Variants in GRIK5 observed in about 807,000 individuals in gnomAD.
The protein encoded by GRIK5 is glutamate ionotropic receptor kainate type subunit 5, also known as glutamate receptor ionotropic, kainate 5.
GRIK5 carries 43 observed loss-of-function variants against 97.4 expected under a neutral mutation model. That is an observed-to-expected ratio of 0.44 (90% CI 0.35 to 0.57). The LOEUF (loss-of-function observed/expected upper bound fraction) is 0.57. Ranked by LOEUF, GRIK5 falls within the 20% of genes least tolerant of loss-of-function variation. The pLI, the probability that GRIK5 is intolerant of heterozygous loss-of-function variation, is 0.01. For synonymous variants in GRIK5, 580 were observed against 583.5 expected (o/e 0.99, Z 0.09); for missense variants, 1,015 against 1,382.0 (o/e 0.73, Z 4.21).
At chr19:42,058,170 T>C (rs2076211730) in intron 6 of GRIK5, among the ~76,000 whole-genome samples, 2 of 152,020 alleles carry the variant, frequency 1.3e-5, no homozygotes, top group South Asian at 2.1e-4. Flanking sequence ...CAGTGATATA[T>C]GGGTTTGTTT....
chr19:42,054,615 G>T, intron 8 of GRIK5, 143 bp from the exon 9 acceptor site: 1 of 859,460 alleles, frequency 1.2e-6, no homozygotes, highest in Non-Finnish European at 1.8e-6. Context: ...TCAGGAGTGA[G>T]GAAGTGGCTC....
At position 42,062,441 on chromosome 19, in the gene GRIK5, AG is replaced by A; in HGVS notation, c.508+46del. The A allele has an allele frequency of 6.3e-7, 1 of 1,595,610 alleles. No individual in the cohort carries two copies. Among genetic ancestry groups the A allele is most frequent in the Non-Finnish European group, 8.6e-7 (1 of 1,166,772 alleles). On this transcript the variant is annotated intron_variant, in intron 5 of 19. Coordinates refer to ENST00000593562, the MANE Select transcript of GRIK5 (RefSeq NM_002088.5). This position sits in a 1 kb window ranked among gnomAD's most constrained non-coding sequence, Gnocchi z 5.3. ...GTGTGGGACACCAGATCTCTTGGGA[AG>A]GGGTGTCTGGGGGAACAGAAAACAA...
In GRIK5 at chr19:42,022,654, T is replaced by A; in HGVS notation, c.1474-300A>T. ...GATGGAGGGGTTCCCCAAACTCCAA[T>A]TCAAGCAGCAACTTCTCCCTAGGGC... On this transcript the variant is annotated intron_variant, in intron 12 of 19. Transcript: ENST00000593562. The surrounding 1 kb of genome is among the most constrained non-coding windows in gnomAD (Gnocchi z 4.2). 1.0e-6 allele frequency: 1 copy of A among 984,948 alleles called. No homozygotes were observed. Among genetic ancestry groups the A allele is most frequent in the Non-Finnish European group, 1.2e-6 (1 of 829,846 alleles). The allele number at this position is 984,948 out of a possible 1,614,324, so 61.0% of individuals were successfully genotyped here.
At chr19:42,043,310 A>C (rs2076002217) in intron 11 of GRIK5, among the ~76,000 whole-genome samples, 1 of 152,006 alleles carries the variant, frequency 6.6e-6, no homozygotes, top group Non-Finnish European at 1.5e-5. Context: ...ATGAGCCACT[A>C]ATGGGTTAAA....
rs576397997 is a variant in GRIK5, at chr19:42,068,843, G to A, written c.-51+398C>T. ...AGGAGATAGAGACTGGACGGGGTGG[G>A]GACAGGGCCAAGGCCCACCGCAGGC... On this transcript the variant is annotated intron_variant, in intron 1 of 19. Transcript: ENST00000593562. The A allele has an allele frequency of 2.2e-4, 150 of 675,890 alleles. No individual in the cohort carries two copies. In the African/African-American group the frequency reaches 2.3e-3, roughly 10 times the overall value. 41.9% of individuals were successfully genotyped at this position (675,890 alleles called of 1,614,324 possible).
chr19:42,036,540 G>C (rs940068303), intron 12 of GRIK5, among the ~76,000 whole-genome samples: 6 of 152,074 alleles, frequency 3.9e-5, no homozygotes, highest in African/African-American at 1.4e-4. Context: ...AATTTTTGTA[G>C]AGATAGGGTT....
At chr19:42,010,648 C>A (rs2075550376) in intron 15 of GRIK5, among the ~76,000 whole-genome samples, 1 of 152,126 alleles carries the variant, frequency 6.6e-6, no homozygotes, top group Admixed American at 6.6e-5. Context: ...GCCAGCAGAC[C>A]CGCACAGCAA....
intron 15 of GRIK5, among the ~76,000 whole-genome samples, chr19:42,010,718 G>GT (rs2075551294): frequency 6.6e-6 from 1 of 152,234 alleles, no homozygotes; most frequent in Admixed American, 6.5e-5. Flanking sequence ...AAACGTGGAT[G>GT]TACCAGAAGG....
chr19:42,028,732 A>C (rs540965586), intron 12 of GRIK5, among the ~76,000 whole-genome samples: 2 of 151,882 alleles, frequency 1.3e-5, no homozygotes, highest in Non-Finnish European at 2.9e-5. Context: ...CTGCCATGAT[A>C]CCTCCATGAC....
intron 15 of GRIK5, among the ~76,000 whole-genome samples, chr19:42,009,666 G>A (rs905158219): frequency 6.6e-6 from 1 of 151,596 alleles, no homozygotes; most frequent in African/African-American, 2.4e-5. Context: ...TACTCAGGAG[G>A]CTGAGGCAGG....
chr19:42,068,402 G>A (rs889517562), intron 1 of GRIK5: 18 of 238,714 alleles, frequency 7.5e-5, no homozygotes, highest in South Asian at 3.4e-4. Flanking sequence ...CACAGAAGTC[G>A]GGAGAGAGAA....
chr19:42,045,267 T>C (rs544721766), intron 11 of GRIK5, among the ~76,000 whole-genome samples: 1 of 152,342 alleles, frequency 6.6e-6, no homozygotes, highest in Non-Finnish European at 1.5e-5. Flanking sequence ...GCCAACTGGA[T>C]GTGGCAGAAG....
chr19:42,059,644 C>T, intron 5 of GRIK5, 117 bp from the exon 6 acceptor site: 1 of 842,806 alleles, frequency 1.2e-6, no homozygotes, highest in Admixed American at 2.6e-5. Flanking sequence ...TGTGCAAGGA[C>T]ATGGGGCAGC....
At position 42,021,822 on chromosome 19, in the gene GRIK5, C is replaced by A. The variant is rs2075701235; in HGVS notation, c.1697+125G>T. The A allele has an allele frequency of 4.6e-6, 3 of 646,764 alleles. No individual in the cohort carries two copies. Among genetic ancestry groups the A allele is most frequent in the Non-Finnish European group, 8.3e-6 (3 of 360,658 alleles). 40.1% of individuals were successfully genotyped at this position (646,764 alleles called of 1,614,324 possible). On this transcript the variant is annotated intron_variant, in intron 14 of 19. Coordinates refer to ENST00000593562, the MANE Select transcript of GRIK5 (RefSeq NM_002088.5). This position sits in a 1 kb window ranked among gnomAD's most constrained non-coding sequence, Gnocchi z 4.2. ...GGCACAAAACTGAGAAAGGAGGGCACAGGGAATCCGAGGCCCCAAAGGGGA... is the reference window on the plus strand; with the variant it reads ...GGCACAAAACTGAGAAAGGAGGGCAAAGGGAATCCGAGGCCCCAAAGGGGA...
chr19:42,022,328 G>A lies in GRIK5; in HGVS notation c.1500C>T (p.Phe500=), dbSNP rs373417518. ...NRKADLAVAA[F]TITAEREKVI... is the part of the protein sequence containing the mutation. ...CCTTCTCCCGCTCAGCTGTGATGGT[G>A]AAGGCGGCCACAGCCAGGTCTGCCT... The change falls in exon 13 of 20, where the codon TTC becomes TTT. Residue 500 remains phenylalanine, a synonymous_variant. Coordinates refer to ENST00000593562, the MANE Select transcript of GRIK5 (RefSeq NM_002088.5). This position sits in a 1 kb window ranked among gnomAD's most constrained non-coding sequence, Gnocchi z 4.2. 59 of 1,613,894 alleles carry A rather than the reference G, an allele frequency of 3.7e-5. No homozygotes were observed. Among genetic ancestry groups the A allele is most frequent in the Middle Eastern group, 1.6e-4 (1 of 6,084 alleles).
At chr19:42,067,976 A>G (rs1424747461) in intron 1 of GRIK5, among the ~76,000 whole-genome samples, 2 of 152,202 alleles carry the variant, frequency 1.3e-5, no homozygotes, top group East Asian at 3.9e-4. Flanking sequence ...AGGGCCAGCG[A>G]AGGCACACAG....
intron 12 of GRIK5, among the ~76,000 whole-genome samples, chr19:42,036,126 C>A (rs1385080110): frequency 6.6e-6 from 1 of 152,068 alleles, no homozygotes; most frequent in Non-Finnish European, 1.5e-5. Flanking sequence ...GTGGCGCAAT[C>A]TCGGCTCACT....
In GRIK5 at chr19:42,022,471, AGGGAGG is replaced by A; in HGVS notation, c.1474-123_1474-118del. Reference sequence around the variant, plus strand: ...TGAGGGAGGCGAGAGAGAGAGAGGTAGGGAGGGGGAGGGGCCAGGAGCATGGACTGA... The same window carrying A: ...TGAGGGAGGCGAGAGAGAGAGAGGTAGGGAGGGGCCAGGAGCATGGACTGA... On this transcript the variant is annotated intron_variant, in intron 12 of 19. Coordinates refer to ENST00000593562, the MANE Select transcript of GRIK5 (RefSeq NM_002088.5). This position sits in a 1 kb window ranked among gnomAD's most constrained non-coding sequence, Gnocchi z 4.2. 7.1e-7 allele frequency: 1 copy of A among 1,407,124 alleles called. No homozygotes were observed. Among genetic ancestry groups the A allele is most frequent in the Non-Finnish European group, 9.4e-7 (1 of 1,061,236 alleles). 87.2% of individuals were successfully genotyped at this position (1,407,124 alleles called of 1,614,324 possible).
At position 42,018,358 on chromosome 19, in the gene GRIK5, G is replaced by A. The variant is rs1324533694; in HGVS notation, c.1871+2943C>T. On this transcript the variant is annotated intron_variant, in intron 15 of 19. Transcript: ENST00000593562. ...AAGAAAAGAAAAGAAAAGAAATAAA[G>A]AAATGTTGCTTCTCAGCCAGGTGCC... Among the ~76,000 whole-genome samples, 4 of 149,498 alleles carry A rather than the reference G, an allele frequency of 2.7e-5. No homozygotes were observed. In the East Asian group the frequency reaches 7.8e-4, roughly 29 times the overall value.
Sources: gnomAD v4.1 joint callset for allele counts (sites outside exome capture counted in the v4.1 genomes callset) on GRCh38, gnomAD v4.1.1 for gene constraint, Gnocchi (gnomAD v3.1) non-coding constraint, MANE v1.5 for transcripts, NCBI Gene and HGNC (gene_info 2026-07-23, HGNC 2026-07-21) for gene names.